Variants in SAYSD1 observed in about 807,000 individuals in gnomAD.
SAYSD1 encodes SAYSvFN domain-containing protein 1.
A neutral mutation model predicts 14.5 loss-of-function variants in SAYSD1; 15 were observed. The observed-to-expected ratio is 1.03, with a 90% CI of 0.69 to 1.59. SAYSD1 has a LOEUF of 1.59. Among genes scored for constraint, SAYSD1 ranks in the 40% most tolerant of loss-of-function variants. SAYSD1 has a pLI of 0.00. For missense variants in SAYSD1, 247 were observed against 227.3 expected (o/e 1.09, Z -0.56); for synonymous variants, 105 against 102.6 (o/e 1.02, Z -0.14).
rs1264245856 is a variant in SAYSD1 at position 39,105,075 on chromosome 6, T to G, written c.*357A>C. 1 of 225,286 alleles carries G rather than the reference T, an allele frequency of 4.4e-6. No individual in the cohort carries two copies. The highest frequency in any genetic ancestry group is 2.3e-5 in the African/African-American group (1 of 42,724). 14.0% of individuals were successfully genotyped at this position (225,286 alleles called of 1,614,324 possible). ...GAACATTGACAATGCAGCCCTGATG[T>G]ACCTAATCATACTTCAAACTGCTGG... is the stretch of plus-strand genomic sequence containing the variant. On this transcript the variant is annotated 3_prime_UTR_variant, in exon 2 of 2. Coordinates refer to ENST00000229903, the MANE Select transcript of SAYSD1 (RefSeq NM_018322.3).
chr6:39,105,639 C>T lies in SAYSD1; in HGVS notation c.345G>A (p.Leu115=). The T allele has an allele frequency of 3.1e-6, 5 of 1,614,160 alleles. No homozygotes were observed. The highest frequency in any genetic ancestry group is 4.2e-6 in the Non-Finnish European group (5 of 1,180,016). ...CCAGGCCAAATTCCAGTTCCACAAA[C>T]AGTCCCAGCAGGACCAACCAGAGAA... ...KVLLWLVLLG[L]FVELEFGLAY... is the part of the protein sequence containing the mutation. The change falls in exon 2 of 2, where the codon CTG becomes CTA. Residue 115 remains leucine (L), a synonymous_variant. Coordinates refer to ENST00000229903, the MANE Select transcript of SAYSD1 (RefSeq NM_018322.3).
In SAYSD1 at chr6:39,105,162, G is replaced by T; in HGVS notation, c.*270C>A. 1 of 433,608 alleles carries T rather than the reference G, an allele frequency of 2.3e-6. No homozygotes were observed. The allele number at this position is 433,608 out of a possible 1,614,324, so 26.9% of individuals were successfully genotyped here. On this transcript the variant is annotated 3_prime_UTR_variant, in exon 2 of 2. Coordinates refer to ENST00000229903, the MANE Select transcript of SAYSD1 (RefSeq NM_018322.3). ...GTGCTCTAAAATCATCTCCCAAACAGATGAGAAATGAAACAAACAGGTCTC... is the reference window on the plus strand; with the variant it reads ...GTGCTCTAAAATCATCTCCCAAACATATGAGAAATGAAACAAACAGGTCTC...
rs769255316 is a variant in SAYSD1 at position 39,115,027 on chromosome 6, G to A, written c.63C>T (p.Pro21=). The part of the protein sequence containing the change: ...ARKRAGLAAQ[P]PAASQGAQTP... ...TTTGTGCGCCCTGACTGGCAGCAGG[G>A]GGTTGGGCCGCCAGACCCGCCCGTT... The change falls in exon 1 of 2, where the codon CCC becomes CCT. Residue 21 remains proline (P), a synonymous_variant. Coordinates refer to ENST00000229903, the MANE Select transcript of SAYSD1 (RefSeq NM_018322.3). 4.3e-6 allele frequency: 7 copies of A among 1,612,874 alleles called. No individual in the cohort carries two copies. Among genetic ancestry groups the A allele is most frequent in the Non-Finnish European group, 5.1e-6 (6 of 1,179,886 alleles).
intron 1 of SAYSD1, chr6:39,112,020 G>GC (rs1401932063): frequency 1.3e-5 from 2 of 152,192 alleles, no homozygotes; most frequent in East Asian, 3.9e-4. Context: ...TAAAAGAACA[G>GC]CTTAAACTGA....
chr6:39,109,478 G>C, intron 1 of SAYSD1: 1 of 1,506,016 alleles, frequency 6.6e-7, no homozygotes, highest in Non-Finnish European at 8.9e-7. Flanking sequence ...GGCCCGGGTC[G>C]GGGCAGAGGC....
intron 1 of SAYSD1, 93 bp from the exon 2 acceptor site, chr6:39,105,869 G>A (rs1769494009): frequency 9.0e-7 from 1 of 1,111,968 alleles, no homozygotes; most frequent in Non-Finnish European, 1.3e-6. Context: ...ATTGCTCTGA[G>A]AAGGCTGCTG....
intron 1 of SAYSD1, chr6:39,111,465 G>C (rs138457368): frequency 5.1e-4 from 78 of 152,200 alleles, no homozygotes; most frequent in African/African-American, 1.8e-3. Context: ...ATTCAACAAA[G>C]AAAGAGTGGA....
rs750050425 is a variant in SAYSD1, at chr6:39,105,619, C to A, written c.365G>T (p.Gly122Val). ...LLGLFVELEF[G>V]LAYFVLSLFY... ...CAAGGACAGGACAAAATATGCCAGG[C>A]CAAATTCCAGTTCCACAAACAGTCC... is the stretch of plus-strand genomic sequence containing the variant. The change falls in exon 2 of 2, where the codon GGC (glycine) becomes GTC (valine). Residue 122 changes from glycine to valine, a missense_variant. By Grantham distance (109) the Gly-to-Val change is moderately radical. Coordinates refer to ENST00000229903, the MANE Select transcript of SAYSD1 (RefSeq NM_018322.3). 1.2e-6 allele frequency: 2 copies of A among 1,614,124 alleles called. No individual in the cohort carries two copies. The highest frequency in any genetic ancestry group is 1.7e-6 in the Non-Finnish European group (2 of 1,180,010).
Position 39,104,876 on chromosome 6 carries a change from C to T in SAYSD1, c.*556G>A, listed in dbSNP as rs191513097. On this transcript the variant is annotated 3_prime_UTR_variant, in exon 2 of 2. Transcript: ENST00000229903. Reference sequence around the variant, plus strand: ...GATGGTGATGGGCAATGAAGAGGGACCTATTTCTGAAGAGGAGATGTTTTA... The same window carrying T: ...GATGGTGATGGGCAATGAAGAGGGATCTATTTCTGAAGAGGAGATGTTTTA... 3.2e-3 allele frequency: 487 copies of T among 152,840 alleles called. 3 individuals are homozygous for T. The highest frequency in any genetic ancestry group is 5.8e-3 in the Non-Finnish European group (400 of 68,674). 9.5% of individuals were successfully genotyped at this position (152,840 alleles called of 1,614,324 possible). A position where few individuals can be genotyped will look rare whatever the true frequency, so the allele number is the denominator to read the frequency against.
chr6:39,115,115 G>T lies in SAYSD1; in HGVS notation c.-26C>A. 6.3e-7 allele frequency: 1 copy of T among 1,587,212 alleles called. No homozygotes were observed. Among genetic ancestry groups the T allele is most frequent in the Non-Finnish European group, 8.5e-7 (1 of 1,170,928 alleles). On this transcript the variant is annotated 5_prime_UTR_variant, in exon 1 of 2. Coordinates refer to ENST00000229903, the MANE Select transcript of SAYSD1 (RefSeq NM_018322.3). ...GGCGCGCGCCTCGCGTCCGTTGGCC[G>T]ATAAGGGAGCGCGCGCCCGCAGGCC...
At chr6:39,109,732 T>C (rs766338871) in intron 1 of SAYSD1, 1 of 521,548 alleles carries the variant, frequency 1.9e-6, no homozygotes, top group Non-Finnish European at 2.5e-6. Context: ...CTGGGTTTCT[T>C]GGGTTTCTCC....
At chr6:39,114,726 C>A (rs1332125474) in intron 1 of SAYSD1, among the ~76,000 whole-genome samples, 157 bp downstream of exon 1, 1 of 152,240 alleles carries the variant, frequency 6.6e-6, no homozygotes, top group African/African-American at 2.4e-5. Flanking sequence ...ACAGTGCTGA[C>A]ACGTGTGGCC....
intron 1 of SAYSD1, chr6:39,112,689 G>C (rs1462347560): frequency 2.6e-5 from 4 of 152,248 alleles, no homozygotes; most frequent in Non-Finnish European, 4.4e-5. Context: ...ACGTAGAGGA[G>C]AGAATATCTC....
At chr6:39,107,963 A>C (rs1029100638) in intron 1 of SAYSD1, among the ~76,000 whole-genome samples, 4 of 152,182 alleles carry the variant, frequency 2.6e-5, no homozygotes, top group Non-Finnish European at 5.9e-5. Flanking sequence ...CTAAGCAGGG[A>C]ACTAACCAAA....
rs1170551028 is a variant in SAYSD1, at chr6:39,114,827, G to A, written c.207+56C>T. 2.1e-5 allele frequency: 32 copies of A among 1,557,602 alleles called. No individual in the cohort carries two copies. The Admixed American group carries it at 4.7e-4, about 23-fold the overall frequency. On this transcript the variant is annotated intron_variant, in intron 1 of 1. Transcript: ENST00000229903. ...CCACACCCCCGGCAGCTAGGGCCGC[G>A]CCCTCGACTGTGGCTCCGAGGCCAG...
In SAYSD1 at chr6:39,104,624, G is replaced by C. The variant is rs748069202; in HGVS notation, c.*808C>G. The stretch of plus-strand genomic sequence containing the variant: ...CTGTGTTCCACAAAACTGGTCCCTG[G>C]TGCCAAAAAGGTTAGGGACTGCTGC... On this transcript the variant is annotated 3_prime_UTR_variant, in exon 2 of 2. Coordinates refer to ENST00000229903, the MANE Select transcript of SAYSD1 (RefSeq NM_018322.3). The C allele has an allele frequency of 1.3e-5, 2 of 152,020 alleles. No individual in the cohort carries two copies. The highest frequency in any genetic ancestry group is 6.6e-5 in the Admixed American group (1 of 15,264). The allele number at this position is 152,020 out of a possible 1,614,324, so 9.4% of individuals were successfully genotyped here.
At chr6:39,107,287 T>A (rs558347952) in intron 1 of SAYSD1, among the ~76,000 whole-genome samples, 34 of 152,318 alleles carry the variant, frequency 2.2e-4, no homozygotes, top group African/African-American at 7.9e-4. Flanking sequence ...CAAGCACCGT[T>A]CATGAACTGT....
In SAYSD1 at chr6:39,115,058, G is replaced by T. The variant is rs780997916; in HGVS notation, c.32C>A (p.Ala11Glu). 6.2e-7 allele frequency: 1 copy of T among 1,610,000 alleles called. No homozygotes were observed. Among genetic ancestry groups the T allele is most frequent in the Non-Finnish European group, 8.5e-7 (1 of 1,179,790 alleles). Reference sequence around the variant, plus strand: ...GGCCGCCAGACCCGCCCGTTTCCGCGCCGCCCGAAACTCAGCTAACCGCTG... The same window carrying T: ...GGCCGCCAGACCCGCCCGTTTCCGCTCCGCCCGAAACTCAGCTAACCGCTG... Reference protein sequence around the residue: MEQRLAEFRAARKRAGLAAQP... With the variant: MEQRLAEFRAERKRAGLAAQP... The change falls in exon 1 of 2, where the codon GCG becomes GAG. Residue 11 changes from alanine to glutamate, a missense_variant. Ala to Glu is a moderately radical substitution (Grantham distance 107). Coordinates refer to ENST00000229903, the MANE Select transcript of SAYSD1 (RefSeq NM_018322.3).
rs1769492794 is a variant in SAYSD1 at position 39,105,777 on chromosome 6, C to T, written c.208-1G>A. 2.5e-6 allele frequency: 4 copies of T among 1,609,714 alleles called. No homozygotes were observed. The African/African-American group carries it at 5.4e-5, about 22-fold the overall frequency. On this transcript the variant is annotated splice_acceptor_variant, in intron 1 of 1. Transcript: ENST00000229903. LOFTEE classifies it high-confidence loss of function. Reference sequence around the variant, plus strand: ...TGCTGCCCTGGGGCTGAGCCGCTTCCTAGGATACACAAACAAACAAAAGAA... The same window carrying T: ...TGCTGCCCTGGGGCTGAGCCGCTTCTTAGGATACACAAACAAACAAAAGAA...
Sources: gnomAD v4.1 joint callset for allele counts (sites outside exome capture counted in the v4.1 genomes callset) on GRCh38, gnomAD v4.1.1 for gene constraint, MANE v1.5 for transcripts, NCBI Gene and HGNC (gene_info 2026-07-23, HGNC 2026-07-21) for gene names.